WDR26: variants seen among roughly 807,000 people sequenced by gnomAD.
WDR26 encodes WD repeat-containing protein 26.
A neutral mutation model predicts 84.1 loss-of-function variants in WDR26; 5 were observed. That is an observed-to-expected ratio of 0.06 (90% confidence interval 0.03 to 0.13). The LOEUF is 0.13. Ranked by LOEUF, WDR26 falls within the 10% of genes least tolerant of loss-of-function variation. The pLI is 1.00. For missense variants in WDR26, 642 were observed against 974.9 expected (o/e 0.66, Z 4.55); for synonymous variants, 415 against 389.6 (o/e 1.07, Z -0.77).
At chr1:224,426,972 G>A (rs1357317412) in intron 3 of WDR26, among the ~76,000 whole-genome samples, 2 of 151,106 alleles carry the variant, frequency 1.3e-5, no homozygotes, top group East Asian at 1.9e-4. Flanking sequence ...GTGTGGCAGC[G>A]GGTGCCTGTA....
intron 13 of WDR26, among the ~76,000 whole-genome samples, chr1:224,392,574 G>A (rs1350183496): frequency 6.6e-6 from 1 of 152,190 alleles, no homozygotes; most frequent in African/African-American, 2.4e-5. Context: ...GACAACACAA[G>A]AAGGTAAAGA....
In WDR26 at chr1:224,431,919, C is replaced by T. The variant is rs187904370; in HGVS notation, c.723-138G>A. 9.7e-5 allele frequency: 58 copies of T among 596,972 alleles called. No individual in the cohort carries two copies. In the East Asian group the frequency reaches 1.7e-3, roughly 18 times the overall value. 37.0% of individuals were successfully genotyped at this position (596,972 alleles called of 1,614,324 possible). A position where few individuals can be genotyped will look rare whatever the true frequency, so the allele number is the denominator to read the frequency against. On this transcript the variant is annotated intron_variant, in intron 1 of 13. Coordinates refer to ENST00000414423, the MANE Select transcript of WDR26 (RefSeq NM_001379403.1). ...GAAGAAAAAAATAGCTTTCATGTGC[C>T]TGGTTAAACAAACTTTATTTAAAAC...
chr1:224,419,741 A>G (rs750505785), intron 4 of WDR26, 126 bp from the exon 5 acceptor site: 7 of 677,798 alleles, frequency 1.0e-5, no homozygotes, highest in Non-Finnish European at 1.6e-5. Context: ...TCTACAGTGG[A>G]CTCAATTCAT....
Position 224,434,223 on chromosome 1 carries a change from G to A in WDR26, c.183C>T (p.Ser61=). The change falls in exon 1 of 14, where the codon TCC becomes TCT. Residue 61 remains serine (S), a synonymous_variant. Coordinates refer to ENST00000414423, the MANE Select transcript of WDR26 (RefSeq NM_001379403.1). ...CCACCACGGAGGAGGAGGAGGAGGA[G>A]GAGGACGAGGACGACGAGGACGGAG... The A allele has an allele frequency of 2.2e-6, 3 of 1,393,890 alleles. No individual in the cohort carries two copies. The highest frequency in any genetic ancestry group is 5.3e-5 in the East Asian group (2 of 38,000). The allele number at this position is 1,393,890 out of a possible 1,614,324, so 86.3% of individuals were successfully genotyped here.
intron 7 of WDR26, among the ~76,000 whole-genome samples, chr1:224,407,788 G>A (rs745512036): frequency 1.3e-5 from 2 of 151,736 alleles, no homozygotes; most frequent in Admixed American, 6.6e-5. Flanking sequence ...AGATTACAGC[G>A]GTAAGCCACC....
intron 1 of WDR26, among the ~76,000 whole-genome samples, 199 bp downstream of exon 1, chr1:224,433,485 T>C (rs1204065706): frequency 1.3e-5 from 2 of 152,064 alleles, no homozygotes; most frequent in African/African-American, 4.8e-5. Context: ...GATTTTCCCC[T>C]ATTTCCTTTC....
intron 5 of WDR26, among the ~76,000 whole-genome samples, chr1:224,419,149 A>G (rs1298988478): frequency 6.6e-6 from 1 of 152,226 alleles, no homozygotes; most frequent in African/African-American, 2.4e-5. Flanking sequence ...GAATAAAACA[A>G]TTTACCTAAA....
chr1:224,430,190 C>T (rs989878815), intron 3 of WDR26: 3 of 151,832 alleles, frequency 2.0e-5, no homozygotes, highest in Non-Finnish European at 4.4e-5. Flanking sequence ...CTTTAGTTAA[C>T]GAAAAATTTC....
At chr1:224,403,330 G>A (rs1436827038) in intron 8 of WDR26, among the ~76,000 whole-genome samples, 6 of 152,174 alleles carry the variant, frequency 3.9e-5, no homozygotes, top group East Asian at 3.9e-4. Context: ...GATTATAGGC[G>A]TGAGCCACCG....
chr1:224,419,624 A>G lies in WDR26; in HGVS notation c.1065-9T>C. The G allele has an allele frequency of 6.2e-7, 1 of 1,606,334 alleles. No homozygotes were observed. The highest frequency in any genetic ancestry group is 8.5e-7 in the Non-Finnish European group (1 of 1,173,152). ...GGCTACACATCAGATACCTAAAAATACAACAGAGAAAGCAACCAATATTAA... is the reference window on the plus strand; with the variant it reads ...GGCTACACATCAGATACCTAAAAATGCAACAGAGAAAGCAACCAATATTAA... On this transcript the variant is annotated splice_polypyrimidine_tract_variant and intron_variant, in intron 4 of 13. Transcript: ENST00000414423.
intron 7 of WDR26, among the ~76,000 whole-genome samples, chr1:224,404,834 T>C (rs1673509451): frequency 6.6e-6 from 1 of 152,212 alleles, no homozygotes; most frequent in South Asian, 2.1e-4. Flanking sequence ...ACATTTTTAA[T>C]ATATGTATAA....
chr1:224,421,982 T>C (rs573279814), intron 4 of WDR26, among the ~76,000 whole-genome samples: 1 of 152,316 alleles, frequency 6.6e-6, no homozygotes, highest in South Asian at 2.1e-4. Flanking sequence ...CATTTTGTAT[T>C]TACAAACTCG....
At chr1:224,418,172 T>C (rs531933306) in intron 6 of WDR26, 88 bp downstream of exon 6, 9 of 1,133,282 alleles carry the variant, frequency 7.9e-6, no homozygotes, top group East Asian at 7.5e-5. Context: ...TGAACTGTTA[T>C]ATAGCTACAG....
At position 224,389,874 on chromosome 1, in the gene WDR26, A is replaced by C. The variant is rs527378687; in HGVS notation, c.2261-14T>G. 226 of 617,652 alleles carry C rather than the reference A, an allele frequency of 3.7e-4. No individual in the cohort carries two copies. The highest frequency in any genetic ancestry group is 5.2e-4 in the Non-Finnish European group (210 of 402,912). 38.3% of individuals were successfully genotyped at this position (617,652 alleles called of 1,614,324 possible). ...TACTGCATTCCTCTGAATGAAGACA[A>C]GATGAAATGTATGGGGGGCGGGCGG... On this transcript the variant is annotated splice_polypyrimidine_tract_variant and intron_variant, in intron 13 of 13. Coordinates refer to ENST00000414423, the MANE Select transcript of WDR26 (RefSeq NM_001379403.1).
At chr1:224,400,213 T>C (rs1276034416) in intron 9 of WDR26, among the ~76,000 whole-genome samples, 1 of 152,020 alleles carries the variant, frequency 6.6e-6, no homozygotes, top group Non-Finnish European at 1.5e-5. Flanking sequence ...GACACAAAGA[T>C]TGAAAAGTAC....
intron 12 of WDR26, 39 bp downstream of exon 12, chr1:224,398,058 T>C: frequency 6.3e-7 from 1 of 1,593,432 alleles, no homozygotes; most frequent in Non-Finnish European, 8.5e-7. Flanking sequence ...TTACAGACTT[T>C]AATATCAACA....
rs1420218777 is a variant in WDR26 at position 224,388,854 on chromosome 1, A to G, written c.*981T>C. On this transcript the variant is annotated 3_prime_UTR_variant, in exon 14 of 14. Transcript: ENST00000414423. ...TTGGAACAAGCTTTACTGAAAACCA[A>G]CTGACTACTGATGTCTCATGTTGGT... 6.6e-6 allele frequency: 1 copy of G among 152,628 alleles called. No homozygotes were observed. The highest frequency in any genetic ancestry group is 2.4e-5 in the African/African-American group (1 of 41,456). The allele number at this position is 152,628 out of a possible 1,614,324, so 9.5% of individuals were successfully genotyped here.
At chr1:224,401,129 G>GA in intron 8 of WDR26, 60 bp from the exon 9 acceptor site, 1 of 1,482,368 alleles carries the variant, frequency 6.7e-7, no homozygotes. Flanking sequence ...GGAATTATGT[G>GA]AGAAAAAAAA....
At chr1:224,416,143 T>G in intron 6 of WDR26, among the ~76,000 whole-genome samples, 1 of 152,066 alleles carries the variant, frequency 6.6e-6, no homozygotes, top group Non-Finnish European at 1.5e-5. Flanking sequence ...GTTTTAAGAT[T>G]ACAGAGAAGA....
Sources: allele counts gnomAD v4.1 joint callset (sites outside exome capture counted in the v4.1 genomes callset), GRCh38; gene constraint gnomAD v4.1.1; transcripts MANE v1.5; gene names NCBI Gene and HGNC (gene_info 2026-07-23, HGNC 2026-07-21).